Variants in P2RY6 observed in about 807,000 individuals in gnomAD.
P2RY6 encodes the protein pyrimidinergic receptor P2Y6, also known as P2Y purinoceptor 6.
In P2RY6, 19 loss-of-function variants were observed where a neutral mutation model predicts 16.3. The ratio of observed to expected loss-of-function variants is 1.16; its 90% confidence interval spans 0.81 to 1.71. The LOEUF is 1.71. Ranked by LOEUF, P2RY6 falls within the 40% of genes most tolerant of loss-of-function variation. The pLI is 0.00. For missense variants in P2RY6, 389 were observed against 455.5 expected, an observed-to-expected ratio of 0.85 and a Z score of 1.33; for synonymous variants, 184 against 201.5, an observed-to-expected ratio of 0.91 and a Z score of 0.74.
At chr11:73,264,974 G>T (rs548478721) in intron 1 of P2RY6, among the ~76,000 whole-genome samples, 1 of 152,370 alleles carries the variant, frequency 6.6e-6, no homozygotes, top group African/African-American at 2.4e-5. Flanking sequence ...AGTGTGCATT[G>T]CAACTCTCTA....
chr11:73,277,158 G>C (rs1863571689), intron 1 of P2RY6, among the ~76,000 whole-genome samples: 1 of 151,034 alleles, frequency 6.6e-6, no homozygotes, highest in African/African-American at 2.4e-5. Context: ...CTGTCGCCCA[G>C]GCTGAAGTGC....
At chr11:73,272,985 A>G (rs2027765) in intron 1 of P2RY6, among the ~76,000 whole-genome samples, 63,169 of 151,752 alleles carry the variant, frequency 0.42, 15,310 homozygotes, top group East Asian at 0.72. Context: ...AGGAAGGATT[A>G]GTGATCAAAT....
intron 1 of P2RY6, among the ~76,000 whole-genome samples, chr11:73,283,593 T>C (rs1863849044): frequency 6.6e-6 from 1 of 152,202 alleles, no homozygotes; most frequent in African/African-American, 2.4e-5. Context: ...GAGATTTCCT[T>C]GTGGATGGAG....
intron 1 of P2RY6, among the ~76,000 whole-genome samples, chr11:73,289,590 G>C (rs1461534944): frequency 6.6e-6 from 1 of 152,268 alleles, no homozygotes; most frequent in Admixed American, 6.5e-5. Flanking sequence ...GGGCAGACCA[G>C]CCTTGCCCTC....
chr11:73,275,011 C>T (rs1863478356), intron 1 of P2RY6, among the ~76,000 whole-genome samples: 1 of 152,366 alleles, frequency 6.6e-6, no homozygotes, highest in South Asian at 2.1e-4. Context: ...TCCCCTGTCC[C>T]AGGGCTGGCC....
intron 1 of P2RY6, among the ~76,000 whole-genome samples, chr11:73,274,939 C>T (rs1486225416): frequency 6.6e-6 from 1 of 152,290 alleles, no homozygotes; most frequent in East Asian, 1.9e-4. Flanking sequence ...GGCTCTCCCT[C>T]TGTGACTGTT....
intron 1 of P2RY6, among the ~76,000 whole-genome samples, chr11:73,288,957 G>A (rs1358761625): frequency 1.3e-5 from 2 of 152,242 alleles, no homozygotes; most frequent in Admixed American, 1.3e-4. Context: ...GCAGGCCAAG[G>A]TTAGGAAGCC....
chr11:73,267,831 G>T (rs768969289), upstream of P2RY6, among the ~76,000 whole-genome samples: 1 of 152,214 alleles, frequency 6.6e-6, no homozygotes, highest in African/African-American at 2.4e-5. Context: ...GGCTGAAGAG[G>T]GTGAGCCAGA....
chr11:73,273,971 G>C (rs1345118913), intron 1 of P2RY6, among the ~76,000 whole-genome samples: 1 of 152,150 alleles, frequency 6.6e-6, no homozygotes, highest in African/African-American at 2.4e-5. Context: ...AAGTAGCTGG[G>C]ACTACAGGCA....
At chr11:73,288,482 C>T (rs545385669) in intron 1 of P2RY6, among the ~76,000 whole-genome samples, 1 of 152,338 alleles carries the variant, frequency 6.6e-6, no homozygotes, top group Admixed American at 6.5e-5. Context: ...CTTCCACGTT[C>T]CCTTCTGCCA....
In P2RY6 at chr11:73,295,761, T is replaced by C; in HGVS notation, c.-89T>C. On this transcript the variant is annotated 5_prime_UTR_variant, in exon 2 of 3. Transcript: ENST00000540124. ...AGACCTCTGCCAGAAGAACCATGGC[T>C]TTGGAAGGCGGAGTTCAGGCTGAGG... 1 of 985,308 alleles carries C rather than the reference T, an allele frequency of 1.0e-6. No individual in the cohort carries two copies. The highest frequency in any genetic ancestry group is 1.1e-4 in the East Asian group (1 of 8,814). The allele number at this position is 985,308 out of a possible 1,614,324, so 61.0% of individuals were successfully genotyped here.
At position 73,296,917 on chromosome 11, in the gene P2RY6, C is replaced by A. The variant is rs760542468; in HGVS notation, c.399C>A (p.Ala133=). ...QRYLGICHPL[A]PWHKRGGRRA... ...ACCTGGGCATCTGCCACCCGCTGGC[C>A]CCCTGGCACAAACGTGGGGGCCGCC... The change falls in exon 3 of 3, where the codon GCC becomes GCA. Residue 133 remains alanine, a synonymous_variant. Coordinates refer to ENST00000540124, the MANE Select transcript of P2RY6 (RefSeq NM_001277204.2). 1.2e-6 allele frequency: 2 copies of A among 1,608,990 alleles called. No individual in the cohort carries two copies. Among genetic ancestry groups the A allele is most frequent in the African/African-American group, 1.3e-5 (1 of 75,068 alleles).
At chr11:73,271,093 G>A (rs772009617), upstream of P2RY6, among the ~76,000 whole-genome samples, 1 of 152,158 alleles carries the variant, frequency 6.6e-6, no homozygotes, top group Non-Finnish European at 1.5e-5. Flanking sequence ...AGAGTAGGTG[G>A]CCAATAAGTA....
intron 1 of P2RY6, among the ~76,000 whole-genome samples, chr11:73,274,465 C>T (rs1050848064): frequency 2.0e-5 from 3 of 150,880 alleles, no homozygotes; most frequent in African/African-American, 7.4e-5. Flanking sequence ...TCATTTGAAC[C>T]CAGGAGGCAG....
intron 1 of P2RY6, among the ~76,000 whole-genome samples, chr11:73,294,830 A>G (rs943809299): frequency 6.6e-6 from 1 of 152,230 alleles, no homozygotes; most frequent in Non-Finnish European, 1.5e-5. Flanking sequence ...CAACAATCTT[A>G]TAAGGCAGGT....
intron 1 of P2RY6, among the ~76,000 whole-genome samples, chr11:73,287,721 C>T (rs1415254768): frequency 6.6e-6 from 1 of 152,252 alleles, no homozygotes; most frequent in African/African-American, 2.4e-5. Context: ...ACCAAGTGGC[C>T]TCTCCCACAA....
At position 73,298,507 on chromosome 11, in the gene P2RY6, G is replaced by A. The variant is rs1235622357; in HGVS notation, c.*1002G>A. On this transcript the variant is annotated 3_prime_UTR_variant, in exon 3 of 3. Transcript: ENST00000540124. ...GGGCGAAGTGCAGTGGCTCATGCCT[G>A]TAATCTCAGCAATTTGGGAGGCCAA... The A allele has an allele frequency of 2.4e-5, 4 of 167,108 alleles. No individual in the cohort carries two copies. The highest frequency in any genetic ancestry group is 6.5e-5 in the Admixed American group (1 of 15,282). The allele number at this position is 167,108 out of a possible 1,614,324, so 10.4% of individuals were successfully genotyped here.
Position 73,288,498 on chromosome 11 carries a change from G to C in P2RY6, c.-120-7232G>C, listed in dbSNP as rs556047035. ...TTCCACGTTCCCTTCTGCCAGGTTTGTCCTTCTGTAGCCAGCCAGATGCCA... is the reference window on the plus strand; with the variant it reads ...TTCCACGTTCCCTTCTGCCAGGTTTCTCCTTCTGTAGCCAGCCAGATGCCA... On this transcript the variant is annotated intron_variant, in intron 1 of 2. Transcript: ENST00000540124. Among the ~76,000 whole-genome samples the C allele has an allele frequency of 1.5e-4, 23 of 152,356 alleles. 1 individual carries two copies. The highest frequency in any genetic ancestry group is 3.1e-4 in the Non-Finnish European group (21 of 68,034).
chr11:73,283,342 G>C (rs1450713739), intron 1 of P2RY6, among the ~76,000 whole-genome samples: 1 of 152,118 alleles, frequency 6.6e-6, no homozygotes, highest in African/African-American at 2.4e-5. Context: ...GCTATGCAAA[G>C]GTATCATCCC....
Sources: allele counts gnomAD v4.1 joint callset (sites outside exome capture counted in the v4.1 genomes callset), GRCh38; gene constraint gnomAD v4.1.1; transcripts MANE v1.5; gene names NCBI Gene and HGNC (gene_info 2026-07-23, HGNC 2026-07-21).